The following TAF6 variants were observed in gnomAD, a reference collection of about 807,000 sequenced individuals.
The protein encoded by TAF6 is transcription initiation factor TFIID subunit 6.
Under a neutral mutation model 73.5 loss-of-function variants are expected in TAF6, and 50 were observed. The ratio of observed to expected loss-of-function variants is 0.68; its 90% CI spans 0.54 to 0.86. The LOEUF (loss-of-function observed/expected upper bound fraction) is 0.86, where lower values mean the gene tolerates loss of function less well. Among genes scored for constraint, TAF6 ranks in the 40% least tolerant of loss-of-function variants. The probability of loss-of-function intolerance (pLI) is 0.00; values close to 1 mark genes in which losing one functional copy is unlikely to be tolerated. For synonymous variants in TAF6, 424 were observed against 376.7 expected (o/e 1.13, Z -1.45); for missense variants, 768 against 899.5 (o/e 0.85, Z 1.87).
chr7:100,119,503 T>G, upstream of TAF6: 4 of 1,336,508 alleles, frequency 3.0e-6, no homozygotes, highest in Non-Finnish European at 3.9e-6. Context: ...TCCCTCTTGG[T>G]GTAATTACTG....
chr7:100,122,435 A>T (rs775929683), upstream of TAF6: 6 of 1,613,768 alleles, frequency 3.7e-6, no homozygotes, highest in Non-Finnish European at 5.1e-6. Context: ...GAGCCCTGGG[A>T]GTTCCTACAG....
Position 100,113,683 on chromosome 7 carries a change from C to T in TAF6, c.330G>A (p.Lys110=). The T allele has an allele frequency of 1.9e-6, 3 of 1,614,140 alleles. No individual in the cohort carries two copies. Among genetic ancestry groups the T allele is most frequent in the Non-Finnish European group, 2.5e-6 (3 of 1,180,028 alleles). The change falls in exon 4 of 15, where the codon AAG becomes AAA. Residue 110 remains lysine, a synonymous_variant. Transcript: ENST00000453269. ...TGATGATGTCGCTCAGATCAACCTCCTTCTCCTCATAGAAGTAAAGCTCCC... is the reference window on the plus strand; with the variant it reads ...TGATGATGTCGCTCAGATCAACCTCTTTCTCCTCATAGAAGTAAAGCTCCC... The part of the protein sequence containing the change: ...GGRELYFYEE[K]EVDLSDIINT...
intron 1 of TAF6, 90 bp from the exon 2 acceptor site, chr7:100,114,358 A>C (rs1452145965): frequency 7.8e-7 from 1 of 1,274,068 alleles, no homozygotes; most frequent in Non-Finnish European, 1.1e-6. Flanking sequence ...ACAGGGGAGG[A>C]ACTCCGAGTG....
chr7:100,119,805 G>A (rs565046260), upstream of TAF6: 2 of 1,614,100 alleles, frequency 1.2e-6, no homozygotes, highest in South Asian at 2.2e-5. Context: ...CGAGGCTTGG[G>A]CTGGGATGTT....
intron 1 of TAF6, chr7:100,118,689 A>G (rs1210254338): frequency 4.5e-6 from 1 of 223,594 alleles, no homozygotes; most frequent in African/African-American, 2.3e-5. Context: ...AAAGTGGCAC[A>G]CTTGCAGTTG....
chr7:100,124,546 T>C (rs1488596882), upstream of TAF6: 2 of 1,612,906 alleles, frequency 1.2e-6, no homozygotes, highest in South Asian at 1.1e-5. Flanking sequence ...TTGAAGACAT[T>C]GTGGGAGACT....
chr7:100,122,771 C>T (rs1440108383), upstream of TAF6: 1 of 1,608,330 alleles, frequency 6.2e-7, no homozygotes. Context: ...ATGCCAAATT[C>T]TTAATCTCTC....
At chr7:100,114,311 A>T in intron 1 of TAF6, 43 bp from the exon 2 acceptor site, 1 of 1,586,958 alleles carries the variant, frequency 6.3e-7, no homozygotes, top group Non-Finnish European at 8.6e-7. Context: ...GAAACGTGAG[A>T]CACAGGGAGA....
chr7:100,114,034 G>A lies in TAF6; in HGVS notation c.156+20C>T, dbSNP rs777031371. ...GGTGACATGGACCCAATGTAGAGCT[G>A]GACAGAAGGGCCGGGTCACCTGTGC... On this transcript the variant is annotated intron_variant, in intron 2 of 14. Coordinates refer to ENST00000453269, the MANE Select transcript of TAF6 (RefSeq NM_139315.3). The A allele has an allele frequency of 4.3e-6, 7 of 1,613,888 alleles. No homozygotes were observed. In the East Asian group the frequency reaches 1.3e-4, roughly 31 times the overall value.
chr7:100,110,430 G>A, intron 10 of TAF6, 156 bp from the exon 11 acceptor site: 9 of 686,326 alleles, frequency 1.3e-5, no homozygotes, highest in Non-Finnish European at 1.9e-5. Flanking sequence ...ACTTTGGGAG[G>A]CCGAGGCAGG....
At chr7:100,118,667 C>A (rs1317274731) in intron 1 of TAF6, 8 of 190,154 alleles carry the variant, frequency 4.2e-5, no homozygotes, top group Non-Finnish European at 3.8e-5. Flanking sequence ...AAAAAAAAAA[C>A]AAAAAAAAAT....
At chr7:100,110,175 C>A in intron 11 of TAF6, 25 bp downstream of exon 11, 1 of 1,614,114 alleles carries the variant, frequency 6.2e-7, no homozygotes. Flanking sequence ...TCCCCTCCCC[C>A]ATTTCTTCCT....
Position 100,107,146 on chromosome 7 carries a change from C to T in TAF6, c.*100G>A, listed in dbSNP as rs1796584821. 3 of 1,450,398 alleles carry T rather than the reference C, an allele frequency of 2.1e-6. No homozygotes were observed. Among genetic ancestry groups the T allele is most frequent in the Admixed American group, 2.4e-5 (1 of 42,002 alleles). 89.8% of individuals were successfully genotyped at this position (1,450,398 alleles called of 1,614,324 possible). A position where few individuals can be genotyped will look rare whatever the true frequency, so the allele number is the denominator to read the frequency against. On this transcript the variant is annotated 3_prime_UTR_variant, in exon 15 of 15. Transcript: ENST00000453269. ...TAAAAAGAAAGTGACATGAAGGAAG[C>T]AATCTACAACTTCCTTCCGCTTAGC...
rs979895282 is a variant in TAF6 at position 100,107,601 on chromosome 7, G to A, written c.1679C>T (p.Ala560Val). 3.7e-6 allele frequency: 6 copies of A among 1,613,430 alleles called. No individual in the cohort carries two copies. Among genetic ancestry groups the A allele is most frequent in the Middle Eastern group, 1.7e-4 (1 of 5,796 alleles). ...TQQVLSLSTSAPGSGSTTTSP... is the reference protein window; with the variant it reads ...TQQVLSLSTSVPGSGSTTTSP... The stretch of plus-strand genomic sequence containing the variant: ...AGTGGTGGTGGAACCTGAGCCGGGG[G>A]CCGAGGTGCTGAGGGACAGGACCTG... Residue 560 changes from alanine to valine, a missense_variant, in exon 15 of 15, where the codon GCC becomes GTC. Coordinates refer to ENST00000453269, the MANE Select transcript of TAF6 (RefSeq NM_139315.3).
chr7:100,113,422 T>G lies in TAF6; in HGVS notation c.398-17A>C, dbSNP rs1365576585. 1 of 1,569,360 alleles carries G rather than the reference T, an allele frequency of 6.4e-7. No homozygotes were observed. Among genetic ancestry groups the G allele is most frequent in the South Asian group, 1.2e-5 (1 of 85,934 alleles). On this transcript the variant is annotated splice_polypyrimidine_tract_variant and intron_variant, in intron 4 of 14. Coordinates refer to ENST00000453269, the MANE Select transcript of TAF6 (RefSeq NM_139315.3). Reference sequence around the variant, plus strand: ...GCCAATGAGCTGCAAGGAAGGCAGGTGTCAAGGTGAATTGCCACGCATGGA... The same window carrying G: ...GCCAATGAGCTGCAAGGAAGGCAGGGGTCAAGGTGAATTGCCACGCATGGA...
intron 1 of TAF6, 119 bp from the exon 2 acceptor site, chr7:100,114,387 G>T (rs1468712190): frequency 4.9e-6 from 5 of 1,020,530 alleles, no homozygotes; most frequent in Non-Finnish European, 7.4e-6. Flanking sequence ...CCATCCCCAC[G>T]TGAGTCAGCC....
rs753585341 is a variant in TAF6 at position 100,108,566 on chromosome 7, AGAGG to A, written c.1285-30_1285-27del. ...CTGCAGAACAGAAAAAAAGCCAGGT[AGAGG>A]GAGGGCTGGGGAAAAAAGCCAGGTA... On this transcript the variant is annotated intron_variant, in intron 12 of 14. Transcript: ENST00000453269. 3.8e-6 allele frequency: 6 copies of A among 1,576,144 alleles called. No individual in the cohort carries two copies. The South Asian group carries it at 6.8e-5, about 18-fold the overall frequency.
rs764703564 is a variant in TAF6 at position 100,112,252 on chromosome 7, C to G, written c.576G>C (p.Gly192=). Residue 192 remains glycine, a splice_region_variant and synonymous_variant, in exon 7 of 15, where the codon GGG becomes GGC. Transcript: ENST00000453269. ...GCAAGGGCGGCGCCTTCTTCTCTTT[C>G]CCTGTGTGATTGGAAAGGTGGGTCT... ...GQGATTADGK[G]KEKKAPPLLE... 1 of 1,611,366 alleles carries G rather than the reference C, an allele frequency of 6.2e-7. No homozygotes were observed. Among genetic ancestry groups the G allele is most frequent in the East Asian group, 2.2e-5 (1 of 44,880 alleles).
intron 1 of TAF6, 173 bp from the exon 2 acceptor site, chr7:100,114,441 G>A: frequency 1.4e-6 from 1 of 702,212 alleles, no homozygotes; most frequent in South Asian, 1.7e-5. Context: ...CTGGGGCCAG[G>A]TTCAGTGGCT....
Sources: gnomAD v4.1 joint callset for allele counts on GRCh38, gnomAD v4.1.1 for gene constraint, MANE v1.5 for transcripts, NCBI Gene and HGNC (gene_info 2026-07-23, HGNC 2026-07-21) for gene names.